Variants in PCDHGB3 observed in about 807,000 individuals in gnomAD.
PCDHGB3 encodes protocadherin gamma subfamily B, 3, also known as protocadherin gamma-B3.
Under a neutral mutation model 59.2 loss-of-function variants are expected in PCDHGB3, and 40 were observed. The ratio of observed to expected loss-of-function variants is 0.68; its 90% CI spans 0.52 to 0.88. The LOEUF is 0.88. Among genes scored for constraint, PCDHGB3 ranks in the 40% least tolerant of loss-of-function variants. The pLI is 0.00. For missense variants in PCDHGB3, 1,309 were observed against 1,187.9 expected (o/e 1.10, Z -1.50); for synonymous variants, 581 against 503.6 (o/e 1.15, Z -2.06).
At chr5:141,427,963 T>C (rs1289642441) in intron 1 of PCDHGB3, 1 of 1,589,380 alleles carries the variant, frequency 6.3e-7, no homozygotes, top group East Asian at 2.2e-5. Flanking sequence ...GTGCCGCGGG[T>C]GCTGTACCCC....
Position 141,372,403 on chromosome 5 carries a change from A to G in PCDHGB3, c.2009A>G (p.Glu670Gly). ...LHLIFADSLQ[E>G]IQPDLSDRPT... is the part of the protein sequence containing the mutation. ...CTAATCTTCGCAGATAGCTTGCAAG[A>G]GATACAACCTGACCTTAGCGACCGC... The change falls in exon 1 of 4, where the codon GAG (glutamate) becomes GGG (glycine). Residue 670 changes from glutamate (E) to glycine (G), a missense_variant. Transcript: ENST00000576222. 6.2e-7 allele frequency: 1 copy of G among 1,614,028 alleles called. No individual in the cohort carries two copies. Among genetic ancestry groups the G allele is most frequent in the Non-Finnish European group, 8.5e-7 (1 of 1,179,892 alleles).
At chr5:141,419,521 C>A (rs1418329404) in intron 1 of PCDHGB3, 1 of 1,612,240 alleles carries the variant, frequency 6.2e-7, no homozygotes, top group Non-Finnish European at 8.5e-7. Context: ...TGGTGGGCGA[C>A]CGTAACGACA....
chr5:141,380,538 A>G (rs1365489089), intron 1 of PCDHGB3, among the ~76,000 whole-genome samples: 3 of 152,246 alleles, frequency 2.0e-5, no homozygotes, highest in Non-Finnish European at 4.4e-5. Flanking sequence ...TCAATTTGAT[A>G]CAATGAGCTT....
intron 1 of PCDHGB3, among the ~76,000 whole-genome samples, chr5:141,473,831 A>G (rs950283433): frequency 1.3e-5 from 2 of 152,252 alleles, no homozygotes; most frequent in African/African-American, 4.8e-5. Context: ...GTGTGATCCA[A>G]TTAAAATTTT....
At position 141,510,842 on chromosome 5, in the gene PCDHGB3, G is replaced by A. The variant is rs531098325; in HGVS notation, c.2564-105G>A. 8.7e-5 allele frequency: 138 copies of A among 1,590,280 alleles called. No homozygotes were observed. The African/African-American group carries it at 1.7e-3, about 19-fold the overall frequency. ...TATTCCCAGTGCTCAGCGTGGTCAA[G>A]GCCCAGGGTGCTGTATAGGCATTCA... On this transcript the variant is annotated intron_variant, in intron 3 of 3. Coordinates refer to ENST00000576222, the MANE Select transcript of PCDHGB3 (RefSeq NM_018924.5).
Position 141,489,898 on chromosome 5 carries a change from C to T in PCDHGB3, c.2416-4909C>T. On this transcript the variant is annotated intron_variant, in intron 1 of 3. Transcript: ENST00000576222. The surrounding 1 kb of genome is among the most constrained non-coding windows in gnomAD (Gnocchi z 4.5). ...GCTTACTGCTGTGGATGGGGGGACC[C>T]CAGCCCGCTCAGGGACCACCCTTAT... 6.2e-7 allele frequency: 1 copy of T among 1,614,216 alleles called. No homozygotes were observed. Among genetic ancestry groups the T allele is most frequent in the Non-Finnish European group, 8.5e-7 (1 of 1,180,036 alleles).
intron 1 of PCDHGB3, chr5:141,419,472 G>A (rs1392935171): frequency 6.2e-7 from 1 of 1,612,330 alleles, no homozygotes; most frequent in Non-Finnish European, 8.5e-7. Flanking sequence ...CGCGACCAGG[G>A]CTCGCCCGCG....
intron 1 of PCDHGB3, chr5:141,374,475 C>A: frequency 6.2e-7 from 1 of 1,612,136 alleles, no homozygotes; most frequent in Non-Finnish European, 8.5e-7. Flanking sequence ...GACAATACAC[C>A]CCGATTCTTA....
intron 1 of PCDHGB3, among the ~76,000 whole-genome samples, chr5:141,469,061 G>C (rs960166489): frequency 1.3e-5 from 2 of 152,010 alleles, no homozygotes; most frequent in African/African-American, 4.8e-5. Flanking sequence ...AGGATTGCTT[G>C]AGCCTAGGAG....
At chr5:141,375,325 G>A (rs1021429198) in intron 1 of PCDHGB3, 6 of 1,613,650 alleles carry the variant, frequency 3.7e-6, no homozygotes, top group Admixed American at 1.7e-5. Context: ...ACCGGGAAGA[G>A]GTATTCTTGT....
rs1393819856 is a variant in PCDHGB3 at position 141,371,027 on chromosome 5, C to T, written c.633C>T (p.Val211=). 1 of 1,613,874 alleles carries T rather than the reference C, an allele frequency of 6.2e-7. No homozygotes were observed. The highest frequency in any genetic ancestry group is 1.3e-5 in the African/African-American group (1 of 74,938). Residue 211 remains valine (V), a synonymous_variant, in exon 1 of 4, where the codon GTC becomes GTT. Transcript: ENST00000576222. The part of the protein sequence containing the change: ...DREEQPHHHL[V]LTAVDGGEPS... ...AAGAGCAGCCACATCACCACCTGGT[C>T]CTCACAGCTGTGGATGGGGGCGAGC...
chr5:141,379,993 G>A (rs922146667), intron 1 of PCDHGB3, among the ~76,000 whole-genome samples: 21 of 143,096 alleles, frequency 1.5e-4, no homozygotes, highest in Middle Eastern at 3.8e-3. Context: ...TCCTCCTCCT[G>A]GGTTCAAGCG....
chr5:141,398,747 A>G (rs1046077050), intron 1 of PCDHGB3: 5 of 1,613,378 alleles, frequency 3.1e-6, no homozygotes, highest in Non-Finnish European at 4.2e-6. Flanking sequence ...CAACAGAGTT[A>G]CCATCGTTTA....
chr5:141,428,067 G>GC, intron 1 of PCDHGB3: 2 of 1,609,228 alleles, frequency 1.2e-6, no homozygotes, highest in Non-Finnish European at 1.7e-6. Context: ...GGTGGACGCA[G>GC]ATTCGGGACA....
chr5:141,389,019 G>T, intron 1 of PCDHGB3: 3 of 1,614,000 alleles, frequency 1.9e-6, no homozygotes, highest in South Asian at 1.1e-5. Context: ...ACACAATGGA[G>T]AAGTGACTTG....
rs745516293 is a variant in PCDHGB3, at chr5:141,382,909, C to T, written c.2415+10100C>T. 11 of 1,546,196 alleles carry T rather than the reference C, an allele frequency of 7.1e-6. No homozygotes were observed. The South Asian group carries it at 1.4e-4, about 19-fold the overall frequency. On this transcript the variant is annotated intron_variant, in intron 1 of 3. Transcript: ENST00000576222. Reference sequence around the variant, plus strand: ...GAGAAGCAGGACGACTATGGCGGCTCAGCCGAGGGGCGGGGACTACAGAGG... The same window carrying T: ...GAGAAGCAGGACGACTATGGCGGCTTAGCCGAGGGGCGGGGACTACAGAGG...
chr5:141,372,218 T>A lies in PCDHGB3; in HGVS notation c.1824T>A (p.Ile608=), dbSNP rs1370078185. 10 of 1,613,426 alleles carry A rather than the reference T, an allele frequency of 6.2e-6. No homozygotes were observed. The highest frequency in any genetic ancestry group is 4.5e-5 in the East Asian group (2 of 44,868). The change falls in exon 1 of 4, where the codon ATT becomes ATA. Residue 608 remains isoleucine, a synonymous_variant. Transcript: ENST00000576222. The part of the protein sequence containing the change: ...SGYNAWLSYH[I]VQASEPGLFS... Reference sequence around the variant, plus strand: ...ACAACGCCTGGCTGTCCTACCACATTGTGCAGGCCAGCGAGCCCGGGCTGT... The same window carrying A: ...ACAACGCCTGGCTGTCCTACCACATAGTGCAGGCCAGCGAGCCCGGGCTGT...
chr5:141,454,489 C>T (rs1450435753), intron 1 of PCDHGB3, among the ~76,000 whole-genome samples: 1 of 152,222 alleles, frequency 6.6e-6, no homozygotes, highest in African/African-American at 2.4e-5. Flanking sequence ...TCACCGCAAC[C>T]TCCACCTCCT....
chr5:141,414,371 A>G (rs1447111430), intron 1 of PCDHGB3: 1 of 1,613,954 alleles, frequency 6.2e-7, no homozygotes, highest in South Asian at 1.1e-5. Flanking sequence ...TTTAAATTAG[A>G]AAAGTCCATT....
Sources: allele counts gnomAD v4.1 joint callset (sites outside exome capture counted in the v4.1 genomes callset), GRCh38; gene constraint gnomAD v4.1.1; non-coding constraint Gnocchi (gnomAD v3.1); transcripts MANE v1.5; gene names NCBI Gene and HGNC (gene_info 2026-07-23, HGNC 2026-07-21).